PPY: variants seen among roughly 807,000 people sequenced by gnomAD.
PPY encodes the protein pancreatic polypeptide prohormone.
In PPY, 6 loss-of-function variants were observed where a neutral mutation model predicts 9.3. The observed-to-expected ratio is 0.64, with a 90% CI of 0.35 to 1.27. PPY has a LOEUF of 1.27. PPY is among the 50% of genes most tolerant of loss of function. PPY has a pLI of 0.03. For missense variants in PPY, 109 were observed against 119.1 expected (o/e 0.91, Z 0.40); for synonymous variants, 58 against 54.6 (o/e 1.06, Z -0.27).
chr17:43,941,019 T>G (rs2048571743), intron 3 of PPY, 67 bp from the exon 4 acceptor site: 1 of 1,565,076 alleles, frequency 6.4e-7, no homozygotes, highest in East Asian at 2.4e-5. Flanking sequence ...GGCCTCAGGC[T>G]GGCCCTGGGC....
chr17:43,941,255 G>C (rs1242352196), intron 2 of PPY, 41 bp from the exon 3 acceptor site: 1 of 1,546,664 alleles, frequency 6.5e-7, no homozygotes, highest in East Asian at 2.4e-5. Flanking sequence ...CTGTGCCCAG[G>C]TGCCAGCCCA....
intron 1 of PPY, among the ~76,000 whole-genome samples, chr17:43,941,958 T>C (rs1000226721): frequency 1.3e-5 from 2 of 152,116 alleles, no homozygotes; most frequent in East Asian, 1.9e-4. Flanking sequence ...CAGGGCCTCA[T>C]GGCTCCCAGG....
At position 43,941,501 on chromosome 17, in the gene PPY, C is replaced by A. The variant is rs1425383411; in HGVS notation, c.154G>T (p.Asp52Tyr). Residue 52 changes from aspartate (D) to tyrosine (Y), a missense_variant, in exon 2 of 4, where the codon GAT becomes TAT. Transcript: ENST00000225992. ...TPEQMAQYAA[D>Y]LRRYINMLTR... ...AGCATGTTGATGTATCTACGGAGAT[C>A]AGCTGCATACTGGGCCATCTGCTCT... 1 of 1,614,022 alleles carries A rather than the reference C, an allele frequency of 6.2e-7. No individual in the cohort carries two copies. Among genetic ancestry groups the A allele is most frequent in the Admixed American group, 1.7e-5 (1 of 60,016 alleles).
upstream of PPY, among the ~76,000 whole-genome samples, chr17:43,943,180 C>A (rs762582017): frequency 6.6e-6 from 1 of 152,166 alleles, no homozygotes; most frequent in Non-Finnish European, 1.5e-5. Context: ...GTGCTAAAAA[C>A]CAGCTTCATT....
chr17:43,941,699 T>C (rs1194452537), intron 1 of PPY, 45 bp from the exon 2 acceptor site: 8 of 1,527,070 alleles, frequency 5.2e-6, no homozygotes, highest in Non-Finnish European at 7.1e-6. Context: ...GGCTGCAGAT[T>C]TTCCCGTGCC....
intron 3 of PPY, 58 bp from the exon 4 acceptor site, chr17:43,941,010 G>A: frequency 6.4e-7 from 1 of 1,574,106 alleles, no homozygotes; most frequent in East Asian, 2.3e-5. Flanking sequence ...CCCTCAGGAG[G>A]CCTCAGGCTG....
chr17:43,941,802 C>G, intron 1 of PPY, 148 bp from the exon 2 acceptor site: 1 of 860,642 alleles, frequency 1.2e-6, no homozygotes, highest in South Asian at 1.7e-5. Context: ...CCACTCCAAG[C>G]TGGCCACTCC....
chr17:43,941,293 A>G (rs577371939), intron 2 of PPY, 79 bp from the exon 3 acceptor site: 2 of 1,517,552 alleles, frequency 1.3e-6, no homozygotes, highest in East Asian at 2.4e-5. Context: ...TGTAGGCACC[A>G]TCTTGCCCAG....
intron 2 of PPY, 32 bp downstream of exon 2, chr17:43,941,431 GC>G (rs1448201618): frequency 6.2e-7 from 1 of 1,611,624 alleles, no homozygotes; most frequent in African/African-American, 1.3e-5. Flanking sequence ...GGTCCCAGGG[GC>G]TGGGATCTCT....
chr17:43,944,146 G>A (rs1403327583), upstream of PPY, among the ~76,000 whole-genome samples: 1 of 152,180 alleles, frequency 6.6e-6, no homozygotes, highest in African/African-American at 2.4e-5. Flanking sequence ...GGCGGGTAGA[G>A]GTTGCAGCTC....
At position 43,941,566 on chromosome 17, in the gene PPY, G is replaced by T. The variant is rs1177240414; in HGVS notation, c.89C>A (p.Ala30Asp). 3 of 1,613,938 alleles carry T rather than the reference G, an allele frequency of 1.9e-6. No individual in the cohort carries two copies. Among genetic ancestry groups the T allele is most frequent in the South Asian group, 1.1e-5 (1 of 91,070 alleles). Reference sequence around the variant, plus strand: ...CCCTGGGTACACTGGCTCCAGTGGGGCTCCCTGGGCACCCAGCAGTGGCTG... The same window carrying T: ...CCCTGGGTACACTGGCTCCAGTGGGTCTCCCTGGGCACCCAGCAGTGGCTG... ...LLQPLLGAQG[A>D]PLEPVYPGDN... Residue 30 changes from alanine (A) to aspartate (D), a missense_variant, in exon 2 of 4, where the codon GCC becomes GAC. By Grantham distance (126) the Ala-to-Asp change is moderately radical. Transcript: ENST00000225992.
chr17:43,943,803 T>TA (rs2048593177), upstream of PPY, among the ~76,000 whole-genome samples: 1 of 94 alleles, frequency 0.011, no homozygotes, highest in South Asian at 0.25. Context: ...ATCCTGGCTC[T>TA]GCATTGGCTG....
chr17:43,941,419 A>G (rs1160720724), intron 2 of PPY, 45 bp downstream of exon 2: 1 of 1,608,528 alleles, frequency 6.2e-7, no homozygotes, highest in Admixed American at 1.7e-5. Flanking sequence ...GAGTGGGCCC[A>G]GGGTCCCAGG....
At chr17:43,941,839 C>T (rs2048581442) in intron 1 of PPY, among the ~76,000 whole-genome samples, 185 bp from the exon 2 acceptor site, 1 of 152,310 alleles carries the variant, frequency 6.6e-6, no homozygotes. Context: ...TCTGAAGGCA[C>T]GGACAGCCTG....
chr17:43,941,528 G>T lies in PPY; in HGVS notation c.127C>A (p.Pro43Thr). 6.2e-7 allele frequency: 1 copy of T among 1,614,072 alleles called. No individual in the cohort carries two copies. The highest frequency in any genetic ancestry group is 8.5e-7 in the Non-Finnish European group (1 of 1,180,012). Residue 43 changes from proline (P) to threonine (T), a missense_variant, in exon 2 of 4, where the codon CCA becomes ACA. Pro to Thr is a conservative substitution (Grantham distance 38). Transcript: ENST00000225992. ...GCTGCATACTGGGCCATCTGCTCTG[G>T]TGTGGCATTGTCCCCTGGGTACACT... ...EPVYPGDNAT[P>T]EQMAQYAADL...
At chr17:43,941,027 G>C (rs563283530) in intron 3 of PPY, 75 bp from the exon 4 acceptor site, 2 of 1,558,046 alleles carry the variant, frequency 1.3e-6, no homozygotes, top group African/African-American at 2.7e-5. Context: ...GCTGGCCCTG[G>C]GCTCCTGTTC....
rs967239627 is a variant in PPY, at chr17:43,941,412, T to C, written c.191+52A>G. 16 of 1,608,242 alleles carry C rather than the reference T, an allele frequency of 9.9e-6. No homozygotes were observed. In the Admixed American group the frequency reaches 2.0e-4, roughly 20 times the overall value. On this transcript the variant is annotated intron_variant, in intron 2 of 3. Transcript: ENST00000225992. ...ATAGGGTGTGGCCAGGAATGTGGAG[T>C]GGGCCCAGGGTCCCAGGGGCTGGGA... is the stretch of plus-strand genomic sequence containing the variant.
Position 43,941,669 on chromosome 17 carries a change from GA to G in PPY, c.1-16del. 1 of 1,584,438 alleles carries G rather than the reference GA, an allele frequency of 6.3e-7. No individual in the cohort carries two copies. Among genetic ancestry groups the G allele is most frequent in the Non-Finnish European group, 8.6e-7 (1 of 1,165,594 alleles). ...GCGGCAGCCATCTGAGGAGCAAGCA[GA>G]GGGGAGGTGGAGAGCCCGGGCTGCA... On this transcript the variant is annotated splice_polypyrimidine_tract_variant and intron_variant, in intron 1 of 3. Transcript: ENST00000225992.
upstream of PPY, among the ~76,000 whole-genome samples, chr17:43,942,620 G>A (rs1488842562): frequency 2.0e-5 from 3 of 152,348 alleles, no homozygotes; most frequent in Middle Eastern, 3.4e-3. The surrounding 1 kb of genome is among the most constrained non-coding windows in gnomAD (Gnocchi z 5.3). Flanking sequence ...GGCCAGAGAC[G>A]GGAGGGGGAC....
Sources: allele counts gnomAD v4.1 joint callset (sites outside exome capture counted in the v4.1 genomes callset), GRCh38; gene constraint gnomAD v4.1.1; non-coding constraint Gnocchi (gnomAD v3.1); transcripts MANE v1.5; gene names NCBI Gene and HGNC (gene_info 2026-07-23, HGNC 2026-07-21).